VAT1L: variants seen among roughly 807,000 people sequenced by gnomAD.
VAT1L encodes vesicle amine transport 1 like.
A neutral mutation model predicts 44.1 loss-of-function variants in VAT1L; 34 were observed. The ratio of observed to expected loss-of-function variants is 0.77; its 90% CI spans 0.59 to 1.03. The LOEUF (loss-of-function observed/expected upper bound fraction) is 1.03. Ranked by LOEUF, VAT1L falls within the 50% of genes least tolerant of loss-of-function variation. The pLI, the probability that VAT1L is intolerant of heterozygous loss-of-function variation, is 0.00. For missense variants in VAT1L, 615 were observed against 538.8 expected (o/e 1.14, Z -1.40); for synonymous variants, 253 against 202.2 (o/e 1.25, Z -2.13).
intron 4 of VAT1L, among the ~76,000 whole-genome samples, chr16:77,871,506 C>T (rs1015229746): frequency 5.9e-5 from 9 of 151,982 alleles, no homozygotes; most frequent in Non-Finnish European, 4.4e-5. Flanking sequence ...CAGGGTTGGC[C>T]GCTACTTACC....
In VAT1L at chr16:77,947,474, T is replaced by C. The variant is rs150108930; in HGVS notation, c.1078-24376T>C. Among the ~76,000 whole-genome samples the C allele has an allele frequency of 4.3e-3, 649 of 152,304 alleles. 1 individual carries two copies. Among genetic ancestry groups the C allele is most frequent in the Non-Finnish European group, 5.8e-3 (394 of 68,026 alleles). ...CAGCCTCCATAATTCCCAGTTGTCA[T>C]TGGTCTCCCAGTTTCTCCCCATCCA... On this transcript the variant is annotated intron_variant, in intron 7 of 8. Coordinates refer to ENST00000302536, the MANE Select transcript of VAT1L (RefSeq NM_020927.3).
At chr16:77,880,231 A>ACTG (rs1470257031) in intron 6 of VAT1L, among the ~76,000 whole-genome samples, 2 of 152,046 alleles carry the variant, frequency 1.3e-5, no homozygotes, top group African/African-American at 4.8e-5. Flanking sequence ...GTCTCGGCTC[A>ACTG]CTGCAACCTC....
At chr16:77,929,077 G>C (rs954912064) in intron 7 of VAT1L, among the ~76,000 whole-genome samples, 5 of 152,182 alleles carry the variant, frequency 3.3e-5, no homozygotes, top group Non-Finnish European at 7.3e-5. Context: ...GCCTCCCAAA[G>C]TGCTAGGATT....
chr16:77,852,403 C>T (rs749960142), intron 3 of VAT1L, among the ~76,000 whole-genome samples: 2 of 152,228 alleles, frequency 1.3e-5, no homozygotes, highest in East Asian at 1.9e-4. Flanking sequence ...TCAGGCGTCT[C>T]GGGCACTGGC....
intron 3 of VAT1L, among the ~76,000 whole-genome samples, chr16:77,835,368 G>A (rs1441754386): frequency 6.6e-6 from 1 of 152,096 alleles, no homozygotes; most frequent in African/African-American, 2.4e-5. Context: ...GCTGCCTCTG[G>A]TATGTAATAT....
At chr16:77,868,947 G>A (rs1017723288) in intron 4 of VAT1L, among the ~76,000 whole-genome samples, 30 of 152,272 alleles carry the variant, frequency 2.0e-4, no homozygotes, top group Middle Eastern at 3.4e-3. Flanking sequence ...AACAGGGCTA[G>A]ATTGATGAGA....
At chr16:77,959,437 A>G (rs531801567) in intron 7 of VAT1L, among the ~76,000 whole-genome samples, 9 of 152,366 alleles carry the variant, frequency 5.9e-5, no homozygotes, top group African/African-American at 1.9e-4. Flanking sequence ...AAAGATGGAT[A>G]TTGTTAATAT....
At chr16:77,835,179 A>AT (rs1472366577) in intron 3 of VAT1L, among the ~76,000 whole-genome samples, 1 of 152,082 alleles carries the variant, frequency 6.6e-6, no homozygotes, top group Non-Finnish European at 1.5e-5. Flanking sequence ...TCACAAGCCA[A>AT]TTTTTTCTAT....
Position 77,954,267 on chromosome 16 carries a change from G to A in VAT1L, c.1078-17583G>A, listed in dbSNP as rs181818429. Among the ~76,000 whole-genome samples, 170 of 152,272 alleles carry A rather than the reference G, an allele frequency of 1.1e-3. 2 individuals carry two copies. Among genetic ancestry groups the A allele is most frequent in the Non-Finnish European group, 4.4e-4 (30 of 68,030 alleles). On this transcript the variant is annotated intron_variant, in intron 7 of 8. Coordinates refer to ENST00000302536, the MANE Select transcript of VAT1L (RefSeq NM_020927.3). ...AAAAGGGTTGTAGTCACGGCTATCTGCTGCTTTCCAGCATGCCAGGATATT... is the reference window on the plus strand; with the variant it reads ...AAAAGGGTTGTAGTCACGGCTATCTACTGCTTTCCAGCATGCCAGGATATT...
chr16:77,865,028 C>T (rs1354272247), intron 4 of VAT1L, among the ~76,000 whole-genome samples: 1 of 134,400 alleles, frequency 7.4e-6, no homozygotes, highest in East Asian at 2.2e-4. Context: ...GGCTGGAGTG[C>T]GGTGGTGCAA....
At chr16:77,940,625 G>A (rs934125545) in intron 7 of VAT1L, among the ~76,000 whole-genome samples, 8 of 152,154 alleles carry the variant, frequency 5.3e-5, no homozygotes, top group Non-Finnish European at 1.5e-5. Context: ...TTACAGGCAT[G>A]AGCCACTGCG....
At chr16:77,967,101 G>A (rs1448054906) in intron 7 of VAT1L, among the ~76,000 whole-genome samples, 2 of 152,148 alleles carry the variant, frequency 1.3e-5, no homozygotes, top group Non-Finnish European at 2.9e-5. Context: ...TAATTTGGGA[G>A]CAATGTCTCT....
rs1363121064 is a variant in VAT1L at position 77,962,743 on chromosome 16, G to GGAAA, written c.1078-9104_1078-9103insAGAA. On this transcript the variant is annotated intron_variant, in intron 7 of 8. Transcript: ENST00000302536. ...ACAAAAGAAGGAAAGAAGGAAAGAA[G>GGAAA]GAAGGAAGGAAGGAAGGAAGGAAGG... Among the ~76,000 whole-genome samples the GGAAA allele has an allele frequency of 2.2e-3, 265 of 122,480 alleles. 1 individual carries two copies. Among genetic ancestry groups the GGAAA allele is most frequent in the African/African-American group, 7.0e-3 (244 of 35,054 alleles). 80.4% of individuals were successfully genotyped at this position (122,480 alleles called of 152,430 possible). A position where few individuals can be genotyped will look rare whatever the true frequency, so the allele number is the denominator to read the frequency against.
intron 7 of VAT1L, among the ~76,000 whole-genome samples, chr16:77,928,533 C>T (rs933036541): frequency 2.6e-5 from 4 of 152,096 alleles, no homozygotes; most frequent in African/African-American, 4.8e-5. Flanking sequence ...TCTCAGAAAC[C>T]GCTATCTTGG....
rs542191942 is a variant in VAT1L, at chr16:77,915,139, G to A, written c.1077+30337G>A. On this transcript the variant is annotated intron_variant, in intron 7 of 8. Transcript: ENST00000302536. ...AAATTCCGTCTCAAAAAAAAAAAGA[G>A]TTGTTGGATTGGAATGCAACTCAAT... Among the ~76,000 whole-genome samples, 15 of 152,068 alleles carry A rather than the reference G, an allele frequency of 9.9e-5. No individual in the cohort carries two copies. The South Asian group carries it at 3.1e-3, about 32-fold the overall frequency.
intron 1 of VAT1L, among the ~76,000 whole-genome samples, chr16:77,812,960 T>G (rs1279835305): frequency 6.6e-6 from 1 of 152,178 alleles, no homozygotes; most frequent in Non-Finnish European, 1.5e-5. Context: ...TGTCAGGCAC[T>G]TTCCAACACT....
chr16:77,942,007 A>G (rs992289524), intron 7 of VAT1L, among the ~76,000 whole-genome samples: 1 of 152,188 alleles, frequency 6.6e-6, no homozygotes, highest in Non-Finnish European at 1.5e-5. Context: ...AATAATAGCC[A>G]TTCTGACTGG....
At chr16:77,839,535 C>CAAAAAAAAAAAAAAAAAA (rs71137846) in intron 3 of VAT1L, among the ~76,000 whole-genome samples, 1 of 49,070 alleles carries the variant, frequency 2.0e-5, no homozygotes, top group Non-Finnish European at 3.3e-5. Flanking sequence ...TACTCCATAT[C>CAAAAAAAAAAAAAAAAAA]AAAAAAAAAA....
intron 7 of VAT1L, among the ~76,000 whole-genome samples, chr16:77,885,713 T>C (rs2017202831): frequency 6.6e-6 from 1 of 152,068 alleles, no homozygotes; most frequent in African/African-American, 2.4e-5. Flanking sequence ...CTTTTGCAAG[T>C]CACAAATACT....
Sources: gnomAD v4.1 joint callset for allele counts (sites outside exome capture counted in the v4.1 genomes callset) on GRCh38, gnomAD v4.1.1 for gene constraint, MANE v1.5 for transcripts, NCBI Gene and HGNC (gene_info 2026-07-23, HGNC 2026-07-21) for gene names.